ARHGAP10: variants seen among roughly 807,000 people sequenced by gnomAD.
ARHGAP10 encodes Rho GTPase activating protein 10.
Under a neutral mutation model 108.6 loss-of-function variants are expected in ARHGAP10, and 87 were observed. The ratio of observed to expected loss-of-function variants is 0.80; its 90% confidence interval spans 0.67 to 0.96. The LOEUF is 0.96. ARHGAP10 is among the 40% of genes least tolerant of loss of function. ARHGAP10 has a pLI of 0.00. For missense variants in ARHGAP10, 939 were observed against 954.5 expected, an observed-to-expected ratio of 0.98 and a Z score of 0.21; for synonymous variants, 347 against 341.1, an observed-to-expected ratio of 1.02 and a Z score of -0.19.
intron 1 of ARHGAP10, among the ~76,000 whole-genome samples, chr4:147,796,227 T>C (rs1424471824): frequency 6.6e-6 from 1 of 152,218 alleles, no homozygotes; most frequent in Non-Finnish European, 1.5e-5. Context: ...GTTGAAACCT[T>C]GCTGGGTCCC....
chr4:147,897,100 CT>C (rs1291757123), intron 10 of ARHGAP10, among the ~76,000 whole-genome samples: 1 of 152,024 alleles, frequency 6.6e-6, no homozygotes, highest in Non-Finnish European at 1.5e-5. Flanking sequence ...CTTTCTTATA[CT>C]GTTCGTACAG....
rs369599469 is a variant in ARHGAP10 at position 148,046,783 on chromosome 4, A to T, written c.1868-109A>T. ...CAGATACTGTCAGGCTGAACTGTAA[A>T]TGTAATTTTATCATTTGATTGACTA... is the stretch of plus-strand genomic sequence containing the variant. On this transcript the variant is annotated intron_variant, in intron 19 of 22. Transcript: ENST00000336498. 10 of 1,141,698 alleles carry T rather than the reference A, an allele frequency of 8.8e-6. No individual in the cohort carries two copies. In the East Asian group the frequency reaches 9.7e-5, roughly 11 times the overall value. The allele number at this position is 1,141,698 out of a possible 1,614,324, so 70.7% of individuals were successfully genotyped here. A position where few individuals can be genotyped will look rare whatever the true frequency, so the allele number is the denominator to read the frequency against.
intron 18 of ARHGAP10, among the ~76,000 whole-genome samples, chr4:148,016,101 G>C (rs1741334340): frequency 6.6e-6 from 1 of 152,170 alleles, no homozygotes; most frequent in African/African-American, 2.4e-5. Context: ...CATGTGGCAA[G>C]TACCCAAAAG....
intron 18 of ARHGAP10, among the ~76,000 whole-genome samples, chr4:147,982,587 G>A (rs1739859951): frequency 8.2e-6 from 1 of 121,966 alleles, no homozygotes. Context: ...TTTGTGTTGA[G>A]ATGGGGTCTC....
At chr4:147,816,683 T>C (rs1367404148) in intron 1 of ARHGAP10, among the ~76,000 whole-genome samples, 1 of 152,224 alleles carries the variant, frequency 6.6e-6, no homozygotes, top group Non-Finnish European at 1.5e-5. Context: ...ATCTAAAAAA[T>C]GAGTTAGTTA....
Position 147,837,643 on chromosome 4 carries a change from GTTT to G in ARHGAP10, c.313-9491_313-9489del, listed in dbSNP as rs59933316. On this transcript the variant is annotated intron_variant, in intron 3 of 22. Transcript: ENST00000336498. ...CACCTCGCTAGAATCTCTGGTCACT[GTTT>G]TTTTTTTTTTTTTTTTAAAGCAGTA... Among the ~76,000 whole-genome samples the G allele has an allele frequency of 4.0e-4, 28 of 70,238 alleles. No homozygotes were observed. In the South Asian group the frequency reaches 0.01, roughly 26 times the overall value. 46.1% of individuals were successfully genotyped at this position (70,238 alleles called of 152,430 possible). A position where few individuals can be genotyped will look rare whatever the true frequency, so the allele number is the denominator to read the frequency against.
At chr4:147,745,987 A>G (rs550754623) in intron 1 of ARHGAP10, among the ~76,000 whole-genome samples, 7 of 149,442 alleles carry the variant, frequency 4.7e-5, no homozygotes, top group Non-Finnish European at 1.0e-4. Context: ...ATGGGGTTTC[A>G]CCATGTTGGT....
chr4:147,779,521 A>G (rs1730443331), intron 1 of ARHGAP10, among the ~76,000 whole-genome samples: 2 of 152,190 alleles, frequency 1.3e-5, no homozygotes, highest in South Asian at 4.1e-4. Flanking sequence ...CAGATGGATT[A>G]TCTCAGGAGT....
chr4:147,837,649 T>TTTTTTTTTTGTTTTTTTTG, intron 3 of ARHGAP10, among the ~76,000 whole-genome samples: 1 of 132,252 alleles, frequency 7.6e-6, no homozygotes, highest in East Asian at 2.3e-4. Flanking sequence ...CACTGTTTTT[T>TTTTTTTTTTGTTTTTTTTG]TTTTTTTTTT....
chr4:147,887,309 G>C (rs1364052442), intron 10 of ARHGAP10, among the ~76,000 whole-genome samples: 5 of 152,114 alleles, frequency 3.3e-5, no homozygotes, highest in Admixed American at 2.6e-4. Context: ...CCTCTGTTCA[G>C]GTGTTTCCAT....
In ARHGAP10 at chr4:148,072,161, C is replaced by T; in HGVS notation, c.*80C>T. Reference sequence around the variant, plus strand: ...AGAGAGCTGTCTTCCTCCTCCGAGGCTCTGGGCTGCACCCACAGGTACCTC... The same window carrying T: ...AGAGAGCTGTCTTCCTCCTCCGAGGTTCTGGGCTGCACCCACAGGTACCTC... On this transcript the variant is annotated 3_prime_UTR_variant, in exon 23 of 23. Transcript: ENST00000336498. The T allele has an allele frequency of 2.3e-6, 3 of 1,319,196 alleles. No homozygotes were observed. The highest frequency in any genetic ancestry group is 2.1e-6 in the Non-Finnish European group (2 of 949,686). The allele number at this position is 1,319,196 out of a possible 1,614,324, so 81.7% of individuals were successfully genotyped here.
At chr4:147,792,478 T>C (rs1394608415) in intron 1 of ARHGAP10, among the ~76,000 whole-genome samples, 1 of 152,198 alleles carries the variant, frequency 6.6e-6, no homozygotes, top group African/African-American at 2.4e-5. Flanking sequence ...ATGGCCCTTT[T>C]ATTTGCTTTA....
intron 19 of ARHGAP10, among the ~76,000 whole-genome samples, chr4:148,037,432 CTG>C (rs1728429624): frequency 6.6e-6 from 1 of 152,190 alleles, no homozygotes; most frequent in South Asian, 2.1e-4. Context: ...ATATGACAGT[CTG>C]AGATGTCTCT....
At chr4:148,049,928 C>T (rs1729058433) in intron 20 of ARHGAP10, among the ~76,000 whole-genome samples, 1 of 151,596 alleles carries the variant, frequency 6.6e-6, no homozygotes, top group Non-Finnish European at 1.5e-5. Context: ...AGTGTGGTGG[C>T]ATGATCTCGG....
chr4:147,973,107 A>G (rs992431796), intron 18 of ARHGAP10, among the ~76,000 whole-genome samples: 1 of 152,084 alleles, frequency 6.6e-6, no homozygotes, highest in African/African-American at 2.4e-5. Context: ...TGTAAGATGT[A>G]TGTGAATGAG....
At chr4:147,897,387 G>A (rs1253496352) in intron 10 of ARHGAP10, among the ~76,000 whole-genome samples, 1 of 152,006 alleles carries the variant, frequency 6.6e-6, no homozygotes, top group East Asian at 1.9e-4. Flanking sequence ...ACAGGCATGA[G>A]CCACTATGCC....
chr4:148,068,637 A>G (rs765715873), intron 22 of ARHGAP10, among the ~76,000 whole-genome samples: 22 of 152,336 alleles, frequency 1.4e-4, no homozygotes, highest in Non-Finnish European at 2.6e-4. Flanking sequence ...AATTTTACCC[A>G]TAGCCATGGT....
intron 10 of ARHGAP10, among the ~76,000 whole-genome samples, chr4:147,901,905 A>G (rs1380818890): frequency 2.0e-5 from 3 of 152,184 alleles, no homozygotes; most frequent in Admixed American, 2.0e-4. Context: ...TCAGTGGAAA[A>G]CTTTAGGGGA....
chr4:147,794,409 A>AT (rs1016166147), intron 1 of ARHGAP10, among the ~76,000 whole-genome samples: 3 of 152,222 alleles, frequency 2.0e-5, no homozygotes, highest in South Asian at 2.1e-4. Context: ...TCTCCATGAA[A>AT]TTTTTTTTAT....
Sources: gnomAD v4.1 joint callset for allele counts (sites outside exome capture counted in the v4.1 genomes callset) on GRCh38, gnomAD v4.1.1 for gene constraint, MANE v1.5 for transcripts, NCBI Gene and HGNC (gene_info 2026-07-23, HGNC 2026-07-21) for gene names.